DCDC2: variants seen among roughly 807,000 people sequenced by gnomAD.
DCDC2 encodes the protein doublecortin domain-containing protein 2.
DCDC2 carries 40 observed loss-of-function variants against 50.2 expected under a neutral mutation model. The observed-to-expected ratio is 0.80, with a 90% CI of 0.62 to 1.04. The LOEUF is 1.04. Ranked by LOEUF, DCDC2 falls within the 50% of genes least tolerant of loss-of-function variation. The probability of loss-of-function intolerance (pLI) is 0.00; values close to 1 mark genes in which losing one functional copy is unlikely to be tolerated. For missense variants in DCDC2, 570 were observed against 581.9 expected (o/e 0.98, Z 0.21); for synonymous variants, 234 against 210.6 (o/e 1.11, Z -0.96).
At chr6:24,359,549 A>G (rs1392261448), upstream of DCDC2, among the ~76,000 whole-genome samples, 5 of 112,586 alleles carry the variant, frequency 4.4e-5, no homozygotes, top group Admixed American at 2.7e-4. Context: ...TATATTTTAT[A>G]TATATTATAT....
chr6:24,203,372 A>G (rs765218963), intron 8 of DCDC2, among the ~76,000 whole-genome samples: 4 of 152,202 alleles, frequency 2.6e-5, no homozygotes, highest in Non-Finnish European at 4.4e-5. Context: ...CCTGACAAAA[A>G]CAAGCAATGG....
At chr6:24,279,976 A>G (rs944702737) in intron 6 of DCDC2, among the ~76,000 whole-genome samples, 5 of 152,244 alleles carry the variant, frequency 3.3e-5, no homozygotes, top group Non-Finnish European at 7.3e-5. Context: ...CTTAAAAATC[A>G]TATCAAACTC....
chr6:24,239,137 C>T (rs1681785046), intron 7 of DCDC2, among the ~76,000 whole-genome samples: 1 of 152,206 alleles, frequency 6.6e-6, no homozygotes, highest in African/African-American at 2.4e-5. Context: ...TCCTAGCCCT[C>T]AAGCACCTCA....
At position 24,291,014 on chromosome 6, in the gene DCDC2, C is replaced by T. The variant is rs927277705; in HGVS notation, c.622G>A (p.Val208Met). The T allele has an allele frequency of 3.1e-6, 5 of 1,614,034 alleles. No individual in the cohort carries two copies. The African/African-American group carries it at 6.7e-5, about 22-fold the overall frequency. The change falls in exon 5 of 10, where the codon GTG becomes ATG. Residue 208 changes from valine to methionine, a missense_variant. Coordinates refer to ENST00000378454, the MANE Select transcript of DCDC2 (RefSeq NM_016356.5). ...TTAAACTTATCTCTGCCAACAGCCACATAAAACTGCCCATTCTCCAACTCT... is the reference window on the plus strand; with the variant it reads ...TTAAACTTATCTCTGCCAACAGCCATATAAAACTGCCCATTCTCCAACTCT... ...GAELENGQFY[V>M]AVGRDKFKKL...
At chr6:24,290,024 C>T (rs1442721648) in intron 5 of DCDC2, among the ~76,000 whole-genome samples, 2 of 110,364 alleles carry the variant, frequency 1.8e-5, no homozygotes, top group Non-Finnish European at 3.4e-5. Flanking sequence ...GACGGAGTCT[C>T]GCTCTGTCGC....
At chr6:24,262,597 A>G (rs562553817) in intron 7 of DCDC2, among the ~76,000 whole-genome samples, 1 of 152,212 alleles carries the variant, frequency 6.6e-6, no homozygotes, top group Non-Finnish European at 1.5e-5. Flanking sequence ...TTTGGGAGAG[A>G]TTCCTTCTTT....
rs150475804 is a variant in DCDC2 at position 24,229,687 on chromosome 6, A to T, written c.923-24585T>A. On this transcript the variant is annotated intron_variant, in intron 7 of 9. Transcript: ENST00000378454. ...CCTTCAGAATGCTCAAATTCTAATG[A>T]CTTTTTAAAAATCCTCAACACTTAT... is the stretch of plus-strand genomic sequence containing the variant. Among the ~76,000 whole-genome samples, 358 of 152,322 alleles carry T rather than the reference A, an allele frequency of 2.4e-3. 1 individual carries two copies. The highest frequency in any genetic ancestry group is 6.6e-3 in the African/African-American group (275 of 41,570).
intron 7 of DCDC2, among the ~76,000 whole-genome samples, chr6:24,259,341 G>A (rs1345974525): frequency 3.9e-5 from 6 of 152,244 alleles, no homozygotes; most frequent in South Asian, 2.1e-4. Context: ...ACATAATTAC[G>A]AAAAATGAAA....
intron 2 of DCDC2, among the ~76,000 whole-genome samples, chr6:24,332,326 C>T (rs1561778073): frequency 6.6e-6 from 1 of 152,110 alleles, no homozygotes; most frequent in Non-Finnish European, 1.5e-5. Context: ...CAGTCTCCCT[C>T]TTTTTTCCTG....
intron 2 of DCDC2, among the ~76,000 whole-genome samples, chr6:24,336,460 A>G (rs879684950): frequency 3.5e-4 from 53 of 152,274 alleles, no homozygotes; most frequent in Middle Eastern, 3.4e-3. Flanking sequence ...CACACATAGA[A>G]GTATATTATG....
intron 7 of DCDC2, among the ~76,000 whole-genome samples, chr6:24,226,944 G>A (rs77577872): frequency 0.045 from 6,922 of 152,320 alleles, 251 homozygotes; most frequent in East Asian, 0.14. Context: ...TCGGGAGGCA[G>A]CCAGGATGTC....
chr6:24,335,855 C>G (rs1004135539), intron 2 of DCDC2, among the ~76,000 whole-genome samples: 1 of 152,128 alleles, frequency 6.6e-6, no homozygotes, highest in Non-Finnish European at 1.5e-5. Context: ...AAACTGCCCC[C>G]ATGATCCAAT....
At chr6:24,296,371 GC>G (rs1451189545) in intron 4 of DCDC2, among the ~76,000 whole-genome samples, 1 of 151,970 alleles carries the variant, frequency 6.6e-6, no homozygotes, top group Non-Finnish European at 1.5e-5. Flanking sequence ...AACTATAAAA[GC>G]CCTGGAAGAC....
intron 2 of DCDC2, among the ~76,000 whole-genome samples, chr6:24,327,451 A>AAGTT (rs568793518): frequency 0.27 from 22,653 of 83,688 alleles, 3,039 homozygotes; most frequent in East Asian, 0.53. Context: ...CAACATTATA[A>AAGTT]ACTTATTTAT....
intron 2 of DCDC2, among the ~76,000 whole-genome samples, chr6:24,338,397 C>A (rs1461349735): frequency 1.3e-5 from 2 of 152,140 alleles, no homozygotes; most frequent in East Asian, 3.8e-4. Context: ...AAAGGGAATG[C>A]CATCTATCCA....
intron 2 of DCDC2, among the ~76,000 whole-genome samples, chr6:24,333,984 G>C (rs1283388562): frequency 2.6e-5 from 4 of 152,194 alleles, no homozygotes; most frequent in Admixed American, 1.3e-4. Flanking sequence ...AGTGAAGAGA[G>C]GAGAAGGAAC....
At chr6:24,380,236 T>TTG in the DCDC2 span, among the ~76,000 whole-genome samples, 4 of 152,182 alleles carry the variant, frequency 2.6e-5, no homozygotes, top group Non-Finnish European at 5.9e-5. Context: ...CATATGAATG[T>TTG]TGTGGGGAGA....
intron 7 of DCDC2, among the ~76,000 whole-genome samples, chr6:24,216,512 A>G (rs1761979237): frequency 6.6e-6 from 1 of 152,214 alleles, no homozygotes; most frequent in Admixed American, 6.5e-5. Context: ...AAAGAGGTGA[A>G]TTAGTGAAGA....
intron 7 of DCDC2, among the ~76,000 whole-genome samples, chr6:24,273,716 G>A (rs1335989831): frequency 1.3e-5 from 2 of 152,198 alleles, no homozygotes; most frequent in South Asian, 2.1e-4. Flanking sequence ...CTGAACCAAA[G>A]AAGCTCAAGT....
Sources: gnomAD v4.1 joint callset for allele counts (sites outside exome capture counted in the v4.1 genomes callset) on GRCh38, gnomAD v4.1.1 for gene constraint, MANE v1.5 for transcripts, NCBI Gene and HGNC (gene_info 2026-07-23, HGNC 2026-07-21) for gene names.